Variants in IGF2BP2 observed in about 807,000 individuals in gnomAD.
The protein encoded by IGF2BP2 is insulin like growth factor 2 mRNA binding protein 2.
A neutral mutation model predicts 75.8 loss-of-function variants in IGF2BP2; 17 were observed. The observed-to-expected ratio is 0.22, with a 90% CI of 0.15 to 0.34. IGF2BP2 has a LOEUF of 0.34. IGF2BP2 is among the 10% of genes least tolerant of loss of function. IGF2BP2 has a pLI of 1.00. For missense variants in IGF2BP2, 516 were observed against 772.4 expected (o/e 0.67, Z 3.93); for synonymous variants, 288 against 295.6 (o/e 0.97, Z 0.26).
At chr3:185,795,579 G>C (rs1453078322) in intron 2 of IGF2BP2, among the ~76,000 whole-genome samples, 1 of 152,168 alleles carries the variant, frequency 6.6e-6, no homozygotes, top group Non-Finnish European at 1.5e-5. Context: ...ATCTGGGTTG[G>C]TGAATTCTTT....
chr3:185,679,529 A>G (rs1481980387), intron 7 of IGF2BP2, among the ~76,000 whole-genome samples: 3 of 152,162 alleles, frequency 2.0e-5, no homozygotes, highest in Non-Finnish European at 4.4e-5. Flanking sequence ...GTTAATATTT[A>G]CCCTTACCAG....
intron 10 of IGF2BP2, among the ~76,000 whole-genome samples, chr3:185,669,496 A>G (rs1163455959): frequency 1.3e-5 from 2 of 151,370 alleles, no homozygotes; most frequent in African/African-American, 2.4e-5. Flanking sequence ...GGGAAATTCA[A>G]AAGTACATAC....
chr3:185,670,841 A>C (rs2149205539), intron 10 of IGF2BP2, among the ~76,000 whole-genome samples: 1 of 152,324 alleles, frequency 6.6e-6, no homozygotes, highest in Middle Eastern at 3.4e-3. Flanking sequence ...AAGTGCTGGG[A>C]TTACAGGCGT....
At chr3:185,771,024 T>C (rs1479716005) in intron 2 of IGF2BP2, among the ~76,000 whole-genome samples, 1 of 152,154 alleles carries the variant, frequency 6.6e-6, no homozygotes, top group East Asian at 1.9e-4. Flanking sequence ...ATGCTGAAAT[T>C]ATAGGCATGA....
rs750697447 is a variant in IGF2BP2, at chr3:185,689,554, C to A, written c.478G>T (p.Val160Leu). The change falls in exon 6 of 16, where the codon GTG (valine) becomes TTG (leucine). Residue 160 changes from valine (V) to leucine (L), a missense_variant. Coordinates refer to ENST00000382199, the MANE Select transcript of IGF2BP2 (RefSeq NM_006548.6). ...FKISYIPDEE[V>L]SSPSPPQRAQ... ...CGCTGAGGGGGCGAAGGGGAGCTCA[C>A]CTCTTCATCCGGGATGTAGGAAATC... 3 of 1,614,120 alleles carry A rather than the reference C, an allele frequency of 1.9e-6. No homozygotes were observed. The highest frequency in any genetic ancestry group is 1.3e-5 in the African/African-American group (1 of 74,940).
intron 2 of IGF2BP2, among the ~76,000 whole-genome samples, chr3:185,758,154 C>T (rs978466068): frequency 2.6e-5 from 4 of 152,216 alleles, no homozygotes; most frequent in African/African-American, 7.2e-5. Flanking sequence ...GCAGTCTCTG[C>T]CTTCATACGT....
At chr3:185,657,514 A>C (rs1285244019) in intron 11 of IGF2BP2, 112 bp from the exon 12 acceptor site, 12 of 795,770 alleles carry the variant, frequency 1.5e-5, no homozygotes, top group Non-Finnish European at 2.4e-5. Context: ...AGGCCCCGCC[A>C]CCCAAGGAAA....
At chr3:185,714,874 G>A (rs369546016) in intron 2 of IGF2BP2, among the ~76,000 whole-genome samples, 18 of 152,330 alleles carry the variant, frequency 1.2e-4, no homozygotes, top group African/African-American at 4.1e-4. Flanking sequence ...ATTCAGGCAG[G>A]TGACTATTGG....
At chr3:185,775,116 GTTTC>G (rs1219217440) in intron 2 of IGF2BP2, among the ~76,000 whole-genome samples, 1 of 152,082 alleles carries the variant, frequency 6.6e-6, no homozygotes. Context: ...TATGGTCTCA[GTTTC>G]TTTATTTGTA....
At chr3:185,767,966 T>C (rs1273467391) in intron 2 of IGF2BP2, 1 of 152,312 alleles carries the variant, frequency 6.6e-6, no homozygotes, top group Admixed American at 6.5e-5. Context: ...ATTATACTTC[T>C]AGGAATATTT....
intron 7 of IGF2BP2, among the ~76,000 whole-genome samples, chr3:185,678,094 A>T (rs534717253): frequency 2.0e-5 from 3 of 152,342 alleles, no homozygotes; most frequent in East Asian, 3.9e-4. Flanking sequence ...TGTACATACA[A>T]ATCAAAAAAT....
intron 7 of IGF2BP2, among the ~76,000 whole-genome samples, chr3:185,683,030 C>CA (rs1292551242): frequency 6.6e-6 from 1 of 152,164 alleles, no homozygotes; most frequent in East Asian, 1.9e-4. Flanking sequence ...AGCCAAGAAG[C>CA]AGAAGACCTC....
rs570259151 is a variant in IGF2BP2 at position 185,805,494 on chromosome 3, G to A, written c.239+17659C>T. 7.9e-5 allele frequency among the ~76,000 whole-genome samples: 12 copies of A among 152,258 alleles called. No individual in the cohort carries two copies. The South Asian group carries it at 1.5e-3, about 18-fold the overall frequency. On this transcript the variant is annotated intron_variant, in intron 2 of 15. Coordinates refer to ENST00000382199, the MANE Select transcript of IGF2BP2 (RefSeq NM_006548.6). ...ATCAAGACTGTGTGAGACCTGAACCGGTCACTGGAGGTGGTTTGGCCCACG... is the reference window on the plus strand; with the variant it reads ...ATCAAGACTGTGTGAGACCTGAACCAGTCACTGGAGGTGGTTTGGCCCACG...
chr3:185,804,599 A>C (rs950625382), intron 2 of IGF2BP2, among the ~76,000 whole-genome samples: 1 of 152,156 alleles, frequency 6.6e-6, no homozygotes, highest in Non-Finnish European at 1.5e-5. Flanking sequence ...AAACAATATA[A>C]ATTTTTTAAA....
intron 2 of IGF2BP2, among the ~76,000 whole-genome samples, chr3:185,706,861 C>T (rs2149396681): frequency 6.6e-6 from 1 of 151,824 alleles, no homozygotes; most frequent in East Asian, 1.9e-4. Context: ...CCACCTCAGC[C>T]TCCCGAGTAG....
At chr3:185,716,844 G>C (rs766907869) in intron 2 of IGF2BP2, 3 of 509,174 alleles carry the variant, frequency 5.9e-6, no homozygotes, top group Non-Finnish European at 1.2e-5. Flanking sequence ...GCCTGGATCA[G>C]AGCTCCGACA....
At chr3:185,690,773 G>A (rs886066682) in intron 5 of IGF2BP2, among the ~76,000 whole-genome samples, 1 of 152,096 alleles carries the variant, frequency 6.6e-6, no homozygotes, top group African/African-American at 2.4e-5. Flanking sequence ...TGCACAGAGC[G>A]CTGTTATTTA....
At chr3:185,820,440 CT>C (rs1741229105) in intron 2 of IGF2BP2, among the ~76,000 whole-genome samples, 1 of 151,968 alleles carries the variant, frequency 6.6e-6, no homozygotes, top group Non-Finnish European at 1.5e-5. Flanking sequence ...GATTCAAACA[CT>C]TTTATTCAAC....
intron 2 of IGF2BP2, among the ~76,000 whole-genome samples, chr3:185,773,079 C>T (rs1734094802): frequency 6.6e-6 from 1 of 152,154 alleles, no homozygotes; most frequent in Admixed American, 6.6e-5. Context: ...TTCCCAAGAG[C>T]AGCAAAGCAC....
Sources: gnomAD v4.1 joint callset for allele counts (sites outside exome capture counted in the v4.1 genomes callset) on GRCh38, gnomAD v4.1.1 for gene constraint, MANE v1.5 for transcripts, NCBI Gene and HGNC (gene_info 2026-07-23, HGNC 2026-07-21) for gene names.